ZBTB20: variants seen among roughly 807,000 people sequenced by gnomAD.
ZBTB20 encodes zinc finger and BTB domain containing 20.
Under a neutral mutation model 56.9 loss-of-function variants are expected in ZBTB20, and 9 were observed. The ratio of observed to expected loss-of-function variants is 0.16; its 90% CI spans 0.10 to 0.28. The LOEUF is 0.28. Ranked by LOEUF, ZBTB20 falls within the 10% of genes least tolerant of loss-of-function variation. The pLI is 1.00. For synonymous variants in ZBTB20, 417 were observed against 420.7 expected (o/e 0.99, Z 0.11); for missense variants, 655 against 1,003.0 (o/e 0.65, Z 4.69).
At chr3:115,055,548 C>T (rs892014706) in intron 2 of ZBTB20, among the ~76,000 whole-genome samples, 1 of 152,080 alleles carries the variant, frequency 6.6e-6, no homozygotes, top group Non-Finnish European at 1.5e-5. Context: ...CAAACACCCA[C>T]TATGAGAAAT....
intron 6 of ZBTB20, among the ~76,000 whole-genome samples, chr3:114,651,727 T>C (rs1307990500): frequency 6.6e-6 from 1 of 152,040 alleles, no homozygotes; most frequent in Admixed American, 6.6e-5. Flanking sequence ...GCAGTATCAT[T>C]CACAAAAGAG....
chr3:114,836,466 T>A (rs1307208645), intron 4 of ZBTB20, among the ~76,000 whole-genome samples: 1 of 152,204 alleles, frequency 6.6e-6, no homozygotes, highest in Non-Finnish European at 1.5e-5. Flanking sequence ...ACTTTTCTTG[T>A]TAGTTCTACA....
At chr3:114,573,455 A>T (rs1375815372) in intron 6 of ZBTB20, among the ~76,000 whole-genome samples, 1 of 151,026 alleles carries the variant, frequency 6.6e-6, no homozygotes, top group African/African-American at 2.4e-5. Flanking sequence ...TGAGACTCCA[A>T]CAAAAAAGAA....
At chr3:114,499,933 C>T (rs756807215) in intron 7 of ZBTB20, among the ~76,000 whole-genome samples, 1 of 152,110 alleles carries the variant, frequency 6.6e-6, no homozygotes, top group Non-Finnish European at 1.5e-5. Flanking sequence ...AATGAAAGCT[C>T]TGATCTAGAA....
intron 7 of ZBTB20, among the ~76,000 whole-genome samples, chr3:114,433,720 T>C (rs2090294000): frequency 6.6e-6 from 1 of 152,156 alleles, no homozygotes; most frequent in Non-Finnish European, 1.5e-5. Flanking sequence ...ATGAGACATA[T>C]AAACATGCTC....
chr3:115,143,427 G>A (rs2084875873), intron 1 of ZBTB20, among the ~76,000 whole-genome samples: 1 of 152,162 alleles, frequency 6.6e-6, no homozygotes, highest in African/African-American at 2.4e-5. Flanking sequence ...CTACTAGGAG[G>A]CTGAGGCAGG....
intron 10 of ZBTB20, among the ~76,000 whole-genome samples, chr3:114,358,367 A>G (rs1476039209): frequency 4.6e-5 from 7 of 152,314 alleles, no homozygotes; most frequent in East Asian, 1.9e-4. Context: ...TTTCAGGCCC[A>G]TCCCCAAATC....
At chr3:114,562,109 T>C (rs9831254) in intron 6 of ZBTB20, among the ~76,000 whole-genome samples, 82,203 of 151,986 alleles carry the variant, frequency 0.54, 26,125 homozygotes, top group East Asian at 0.84. Flanking sequence ...TTGGTCTTCA[T>C]AGAATTGAGG....
chr3:114,856,922 G>C (rs1487336321), intron 4 of ZBTB20, among the ~76,000 whole-genome samples: 2 of 152,120 alleles, frequency 1.3e-5, no homozygotes, highest in African/African-American at 4.8e-5. Flanking sequence ...TAATAGAAGA[G>C]GAGGAAGAAA....
chr3:114,482,356 A>G (rs942715064), intron 7 of ZBTB20, among the ~76,000 whole-genome samples: 2 of 152,008 alleles, frequency 1.3e-5, no homozygotes, highest in Non-Finnish European at 2.9e-5. Context: ...ACTGCTCTCC[A>G]CCCTCACTTT....
chr3:114,460,825 T>C (rs1480161275), intron 7 of ZBTB20, among the ~76,000 whole-genome samples: 2 of 152,166 alleles, frequency 1.3e-5, no homozygotes, highest in Non-Finnish European at 2.9e-5. Context: ...CTTTAAAAAA[T>C]TATTTTAGCA....
rs1576757362 is a variant in ZBTB20, at chr3:114,437,423, G to A, written c.-254-48318C>T. Among the ~76,000 whole-genome samples, 3 of 152,084 alleles carry A rather than the reference G, an allele frequency of 2.0e-5. No homozygotes were observed. In the South Asian group the frequency reaches 6.2e-4, roughly 32 times the overall value. ...ACTCACAAAGACTATCTCTCCATCA[G>A]ATCCCTTCTGTTTTCCTTCCTTTCC... On this transcript the variant is annotated intron_variant, in intron 7 of 11. Transcript: ENST00000675478.
rs2079101814 is a variant in ZBTB20, at chr3:114,327,528, A to G, written c.*11477T>C. On this transcript the variant is annotated 3_prime_UTR_variant, in exon 12 of 12. Coordinates refer to ENST00000675478, the MANE Select transcript of ZBTB20 (RefSeq NM_001348800.3). ...TGGGAGAACATTCCAAGTGAAGATC[A>G]TAGTCCTAAGCAATGTAAATATTGC... The G allele has an allele frequency of 6.6e-6, 1 of 152,156 alleles. No individual in the cohort carries two copies. The highest frequency in any genetic ancestry group is 1.5e-5 in the Non-Finnish European group (1 of 68,028). 9.4% of individuals were successfully genotyped at this position (152,156 alleles called of 1,614,324 possible).
chr3:114,624,403 T>G (rs1353584143), intron 6 of ZBTB20, among the ~76,000 whole-genome samples: 1 of 148,980 alleles, frequency 6.7e-6, no homozygotes, highest in Non-Finnish European at 1.5e-5. Flanking sequence ...GAATGTACAT[T>G]ATTGTCTCCC....
intron 4 of ZBTB20, among the ~76,000 whole-genome samples, chr3:114,895,510 T>C (rs1364599717): frequency 6.6e-6 from 1 of 152,138 alleles, no homozygotes; most frequent in Non-Finnish European, 1.5e-5. Flanking sequence ...TAAACAGCCC[T>C]AGCCTTCTAT....
intron 7 of ZBTB20, among the ~76,000 whole-genome samples, chr3:114,431,845 T>C (rs2090146263): frequency 6.6e-6 from 1 of 152,210 alleles, no homozygotes; most frequent in African/African-American, 2.4e-5. Context: ...CAAAGATTCA[T>C]GGCTGGGATT....
intron 3 of ZBTB20, among the ~76,000 whole-genome samples, chr3:114,943,360 C>A (rs1458439774): frequency 6.9e-6 from 1 of 145,130 alleles, no homozygotes; most frequent in East Asian, 1.9e-4. Context: ...AATCATCAAG[C>A]ATGCTAGGAA....
chr3:114,760,600 G>T (rs1263737749), intron 5 of ZBTB20, among the ~76,000 whole-genome samples: 1 of 152,124 alleles, frequency 6.6e-6, no homozygotes, highest in Non-Finnish European at 1.5e-5. Context: ...GGTAAATATT[G>T]CAGGATTTAA....
At chr3:114,457,383 G>C (rs544480377) in intron 7 of ZBTB20, among the ~76,000 whole-genome samples, 117 of 152,290 alleles carry the variant, frequency 7.7e-4, no homozygotes, top group African/African-American at 2.8e-3. Flanking sequence ...GTAAACAAAA[G>C]TGTATATTAT....
Sources: allele counts gnomAD v4.1 joint callset (sites outside exome capture counted in the v4.1 genomes callset), GRCh38; gene constraint gnomAD v4.1.1; transcripts MANE v1.5; gene names NCBI Gene and HGNC (gene_info 2026-07-23, HGNC 2026-07-21).